Variants in SPAG1 observed in about 807,000 individuals in gnomAD.
SPAG1 encodes the protein sperm associated antigen 1.
A neutral mutation model predicts 100.5 loss-of-function variants in SPAG1; 69 were observed. That is an observed-to-expected ratio of 0.69 (90% CI 0.57 to 0.84). SPAG1 has a LOEUF of 0.84. SPAG1 is among the 40% of genes least tolerant of loss of function. The pLI, the probability that SPAG1 is intolerant of heterozygous loss-of-function variation, is 0.00. For synonymous variants in SPAG1, 336 were observed against 411.6 expected (o/e 0.82, Z 2.22); for missense variants, 955 against 1,133.1 (o/e 0.84, Z 2.26).
intron 16 of SPAG1, among the ~76,000 whole-genome samples, chr8:100,235,988 A>T (rs182405075): frequency 5.4e-4 from 83 of 152,308 alleles, no homozygotes; most frequent in Non-Finnish European, 5.9e-4. Flanking sequence ...TGTATGGCTC[A>T]TGAGTTTACA....
intron 10 of SPAG1, among the ~76,000 whole-genome samples, 190 bp from the exon 11 acceptor site, chr8:100,212,900 C>G (rs1817775761): frequency 6.6e-6 from 1 of 151,856 alleles, no homozygotes; most frequent in Admixed American, 6.6e-5. Flanking sequence ...CGCAGGGGGC[C>G]TCGAGGGAGC....
At chr8:100,159,984 A>G (rs1045570128) in intron 1 of SPAG1, among the ~76,000 whole-genome samples, 1 of 152,248 alleles carries the variant, frequency 6.6e-6, no homozygotes, top group African/African-American at 2.4e-5. Flanking sequence ...ATTTAGCTCC[A>G]TAAATGTTAA....
In SPAG1 at chr8:100,194,231, A is replaced by AC; in HGVS notation, c.1059_1060insC (p.Ser354GlnfsTer6). ...AAAACTCCGAAGATGAAGAAGGAAA[A>AC]AGCGGAAGAAAACATGAAGATGGCG... is the stretch of plus-strand genomic sequence containing the variant. On this transcript the variant is annotated frameshift_variant, in exon 10 of 19. Coordinates refer to ENST00000388798, the MANE Select transcript of SPAG1 (RefSeq NM_003114.5). LOFTEE classifies it high-confidence loss of function. 1 of 1,609,632 alleles carries AC rather than the reference A, an allele frequency of 6.2e-7. No homozygotes were observed. The highest frequency in any genetic ancestry group is 8.5e-7 in the Non-Finnish European group (1 of 1,176,396).
rs770742794 is a variant in SPAG1 at position 100,214,505 on chromosome 8, C to T, written c.1535+587C>T. ...TCTTGAGTGCCCTAGACTTCCTGGT[C>T]ATCTGCAGGCCTGTAACACCTACAC... On this transcript the variant is annotated intron_variant, in intron 12 of 18. Transcript: ENST00000388798. 9.3e-4 allele frequency among the ~76,000 whole-genome samples: 142 copies of T among 152,302 alleles called. 1 individual carries two copies. Among genetic ancestry groups the T allele is most frequent in the Non-Finnish European group, 5.3e-4 (36 of 68,028 alleles).
At chr8:100,189,053 C>T (rs1197008638) in intron 8 of SPAG1, among the ~76,000 whole-genome samples, 1 of 152,066 alleles carries the variant, frequency 6.6e-6, no homozygotes, top group Non-Finnish European at 1.5e-5. Context: ...AACTCTCGGC[C>T]AGGCTTAGTG....
At chr8:100,186,663 C>A in intron 7 of SPAG1, among the ~76,000 whole-genome samples, 1 of 151,960 alleles carries the variant, frequency 6.6e-6, no homozygotes, top group East Asian at 1.9e-4. Context: ...CTAAGGTTGC[C>A]GTAACAAAGT....
At chr8:100,224,010 C>T (rs531667555) in intron 13 of SPAG1, among the ~76,000 whole-genome samples, 3 of 152,260 alleles carry the variant, frequency 2.0e-5, no homozygotes, top group Non-Finnish European at 2.9e-5. Context: ...ATTTATTCTG[C>T]TAATTGCCAG....
chr8:100,224,157 A>G (rs1327674698), intron 13 of SPAG1, among the ~76,000 whole-genome samples: 1 of 152,210 alleles, frequency 6.6e-6, no homozygotes, highest in Non-Finnish European at 1.5e-5. Flanking sequence ...TGAGGATATT[A>G]ATCTAAATTT....
intron 7 of SPAG1, 114 bp from the exon 8 acceptor site, chr8:100,187,006 C>T (rs1256100781): frequency 3.3e-6 from 3 of 910,956 alleles, no homozygotes; most frequent in Non-Finnish European, 4.7e-6. Flanking sequence ...TTGGGGGATA[C>T]AATTCAGCCC....
intron 16 of SPAG1, among the ~76,000 whole-genome samples, chr8:100,238,661 T>G (rs912403878): frequency 1.6e-4 from 25 of 152,248 alleles, no homozygotes; most frequent in African/African-American, 6.0e-4. Flanking sequence ...GAAGATTAAA[T>G]GTTGACTCTA....
chr8:100,187,113 T>A lies in SPAG1; in HGVS notation c.702-7T>A. The A allele has an allele frequency of 6.3e-7, 1 of 1,598,984 alleles. No homozygotes were observed. The highest frequency in any genetic ancestry group is 8.5e-7 in the Non-Finnish European group (1 of 1,174,366). ...TTGCTTGTTGCCAGTAACTGTTTCT[T>A]TTCTAGGAGCATATCAGCGCTTCCC... On this transcript the variant is annotated splice_polypyrimidine_tract_variant and splice_region_variant and intron_variant, in intron 7 of 18. Coordinates refer to ENST00000388798, the MANE Select transcript of SPAG1 (RefSeq NM_003114.5).
chr8:100,213,011 C>G, intron 10 of SPAG1, 79 bp from the exon 11 acceptor site: 1 of 1,215,454 alleles, frequency 8.2e-7, no homozygotes, highest in East Asian at 3.4e-5. Context: ...GCGTCCTGCA[C>G]CCCCGCGGCC....
rs562006145 is a variant in SPAG1 at position 100,238,007 on chromosome 8, A to G, written c.2116-1233A>G. On this transcript the variant is annotated intron_variant, in intron 16 of 18. Coordinates refer to ENST00000388798, the MANE Select transcript of SPAG1 (RefSeq NM_003114.5). ...CCCATTCTTCATTTTTAAAATGGGAACAATAGAAGTTAATATTTGTAGGGC... is the reference window on the plus strand; with the variant it reads ...CCCATTCTTCATTTTTAAAATGGGAGCAATAGAAGTTAATATTTGTAGGGC... Among the ~76,000 whole-genome samples, 4 of 152,312 alleles carry G rather than the reference A, an allele frequency of 2.6e-5. No individual in the cohort carries two copies. In the South Asian group the frequency reaches 8.3e-4, roughly 32 times the overall value.
chr8:100,158,635 C>G lies in SPAG1; in HGVS notation c.-3+19C>G, dbSNP rs1471732451. 6.6e-6 allele frequency: 1 copy of G among 152,022 alleles called. No homozygotes were observed. Among genetic ancestry groups the G allele is most frequent in the Non-Finnish European group, 1.5e-5 (1 of 68,012 alleles). The allele number at this position is 152,022 out of a possible 1,614,324, so 9.4% of individuals were successfully genotyped here. A position where few individuals can be genotyped will look rare whatever the true frequency, so the allele number is the denominator to read the frequency against. Reference sequence around the variant, plus strand: ...ACTGGAGGTATTACTAAGCTGGCTACGAAATATGGGAGGTGGATGTGGATC... The same window carrying G: ...ACTGGAGGTATTACTAAGCTGGCTAGGAAATATGGGAGGTGGATGTGGATC... On this transcript the variant is annotated intron_variant, in intron 1 of 18. Coordinates refer to ENST00000388798, the MANE Select transcript of SPAG1 (RefSeq NM_003114.5).
chr8:100,161,585 C>T (rs1815308517), intron 1 of SPAG1, among the ~76,000 whole-genome samples: 1 of 152,032 alleles, frequency 6.6e-6, no homozygotes, highest in Admixed American at 6.6e-5. Flanking sequence ...TTTAATGACC[C>T]ACTTAGGATT....
intron 10 of SPAG1, among the ~76,000 whole-genome samples, chr8:100,211,174 G>A (rs1817703009): frequency 6.6e-6 from 1 of 152,024 alleles, no homozygotes; most frequent in Non-Finnish European, 1.5e-5. Context: ...TCTGGATAAG[G>A]CCACTTCTCT....
intron 16 of SPAG1, among the ~76,000 whole-genome samples, chr8:100,235,839 C>T (rs1027611551): frequency 1.3e-5 from 2 of 152,028 alleles, no homozygotes; most frequent in African/African-American, 4.8e-5. Flanking sequence ...GCCTCCCCGC[C>T]GGCCCTCTTT....
intron 13 of SPAG1, among the ~76,000 whole-genome samples, chr8:100,222,693 T>C (rs1818337677): frequency 6.6e-6 from 1 of 152,214 alleles, no homozygotes; most frequent in South Asian, 2.1e-4. Context: ...GGCTGAATGG[T>C]TGAAGGGAGA....
intron 4 of SPAG1, among the ~76,000 whole-genome samples, chr8:100,182,671 C>A (rs1816415590): frequency 6.6e-6 from 1 of 152,146 alleles, no homozygotes; most frequent in African/African-American, 2.4e-5. Context: ...AGATTACTAT[C>A]ATTGCAAACT....
Sources: allele counts gnomAD v4.1 joint callset (sites outside exome capture counted in the v4.1 genomes callset), GRCh38; gene constraint gnomAD v4.1.1; transcripts MANE v1.5; gene names NCBI Gene and HGNC (gene_info 2026-07-23, HGNC 2026-07-21).